The following CAMKMT variants were observed in gnomAD, a reference collection of about 807,000 sequenced individuals.
The protein encoded by CAMKMT is calmodulin-lysine N-methyltransferase.
Under a neutral mutation model 48.0 loss-of-function variants are expected in CAMKMT, and 53 were observed. That is an observed-to-expected ratio of 1.10 (90% CI 0.89 to 1.39). The LOEUF (loss-of-function observed/expected upper bound fraction) is 1.39. CAMKMT is among the 40% of genes most tolerant of loss of function. CAMKMT has a pLI of 0.00. For synonymous variants in CAMKMT, 165 were observed against 152.3 expected (o/e 1.08, Z -0.61); for missense variants, 428 against 402.7 (o/e 1.06, Z -0.54).
At chr2:44,371,530 C>A (rs1679179921) in intron 1 of CAMKMT, among the ~76,000 whole-genome samples, 1 of 152,000 alleles carries the variant, frequency 6.6e-6, no homozygotes, top group South Asian at 2.1e-4. Flanking sequence ...TTTTTGTTTG[C>A]TTATGAGTCT....
At chr2:44,631,534 A>G in intron 3 of CAMKMT, 1 of 614,554 alleles carries the variant, frequency 1.6e-6, no homozygotes, top group South Asian at 2.0e-5. Context: ...GATCTCCTGG[A>G]CTCAAGCAAT....
chr2:44,708,469 C>A (rs1449181422), intron 6 of CAMKMT, among the ~76,000 whole-genome samples: 1 of 151,880 alleles, frequency 6.6e-6, no homozygotes, highest in African/African-American at 2.4e-5. Context: ...TTCAGTAACA[C>A]TTGTATGCTC....
intron 3 of CAMKMT, among the ~76,000 whole-genome samples, chr2:44,628,666 G>T (rs1672633693): frequency 1.3e-5 from 2 of 151,548 alleles, no homozygotes; most frequent in South Asian, 4.2e-4. Flanking sequence ...AGCATTCAAA[G>T]CTGCAAATTG....
chr2:44,478,820 C>G (rs1329105181), intron 3 of CAMKMT, among the ~76,000 whole-genome samples: 1 of 151,908 alleles, frequency 6.6e-6, no homozygotes, highest in African/African-American at 2.4e-5. Flanking sequence ...CCTGCCTCAG[C>G]CTCCCGAGTA....
In CAMKMT at chr2:44,457,750, A is replaced by G. The variant is rs17580886; in HGVS notation, c.376+67445A>G. ...AGTGTACAAGAGTCTTTGAAACTAGAAATAAGTAAGAAGAGAAAGCAAAGA... is the reference window on the plus strand; with the variant it reads ...AGTGTACAAGAGTCTTTGAAACTAGGAATAAGTAAGAAGAGAAAGCAAAGA... On this transcript the variant is annotated intron_variant, in intron 3 of 10. Transcript: ENST00000378494. 0.027 allele frequency among the ~76,000 whole-genome samples: 4,077 copies of G among 152,210 alleles called. 336 individuals carry two copies. The East Asian group carries it at 0.32, about 12-fold the overall frequency.
intron 3 of CAMKMT, among the ~76,000 whole-genome samples, chr2:44,487,845 G>A (rs1669286739): frequency 1.3e-5 from 2 of 152,226 alleles, no homozygotes; most frequent in Admixed American, 6.5e-5. Context: ...CCAAAGACTT[G>A]ACACCACATC....
At chr2:44,767,752 C>T (rs1055530435) in intron 10 of CAMKMT, among the ~76,000 whole-genome samples, 45 of 152,168 alleles carry the variant, frequency 3.0e-4, no homozygotes, top group African/African-American at 9.9e-4. Context: ...TAAAAAAAAG[C>T]GGGTCTTTAC....
chr2:44,706,366 C>T (rs1427628797), intron 5 of CAMKMT, 25 bp downstream of exon 5: 3 of 1,611,536 alleles, frequency 1.9e-6, no homozygotes, highest in Non-Finnish European at 2.5e-6. Flanking sequence ...CATTCCAATC[C>T]CATTCAGAGG....
At chr2:44,450,532 G>A (rs777529364) in intron 3 of CAMKMT, among the ~76,000 whole-genome samples, 1 of 152,066 alleles carries the variant, frequency 6.6e-6, no homozygotes. Context: ...ATAGTTTATG[G>A]TGATTAAGAG....
At chr2:44,524,259 C>T (rs901778981) in intron 3 of CAMKMT, among the ~76,000 whole-genome samples, 4 of 152,066 alleles carry the variant, frequency 2.6e-5, no homozygotes, top group African/African-American at 9.7e-5. Context: ...TTTAAAACCA[C>T]CACAGGGGTG....
At chr2:44,544,544 T>C (rs540117992) in intron 3 of CAMKMT, among the ~76,000 whole-genome samples, 2 of 152,228 alleles carry the variant, frequency 1.3e-5, no homozygotes, top group African/African-American at 4.8e-5. Context: ...TTTGGGGAGA[T>C]GTCATTGTTT....
At chr2:44,683,484 G>C (rs1676136672) in intron 3 of CAMKMT, among the ~76,000 whole-genome samples, 1 of 152,162 alleles carries the variant, frequency 6.6e-6, no homozygotes, top group South Asian at 2.1e-4. Flanking sequence ...GGATCCTTTA[G>C]ACCTTACTTC....
At position 44,527,855 on chromosome 2, in the gene CAMKMT, C is replaced by T. The variant is rs118084718; in HGVS notation, c.376+137550C>T. ...TACAATTGATGAACCTACCTTGACA[C>T]ATTATCACCCAAAGTCTATAGTTTA... is the stretch of plus-strand genomic sequence containing the variant. On this transcript the variant is annotated intron_variant, in intron 3 of 10. Coordinates refer to ENST00000378494, the MANE Select transcript of CAMKMT (RefSeq NM_024766.5). Among the ~76,000 whole-genome samples, 1,126 of 141,482 alleles carry T rather than the reference C, an allele frequency of 8.0e-3. 58 individuals are homozygous for T. The East Asian group carries it at 0.13, about 16-fold the overall frequency. The allele number at this position is 141,482 out of a possible 152,430, so 92.8% of individuals were successfully genotyped here. A position where few individuals can be genotyped will look rare whatever the true frequency, so the allele number is the denominator to read the frequency against.
At chr2:44,386,597 T>A (rs1680801143) in intron 2 of CAMKMT, among the ~76,000 whole-genome samples, 1 of 152,136 alleles carries the variant, frequency 6.6e-6, no homozygotes, top group African/African-American at 2.4e-5. Flanking sequence ...TTCCTTGAGG[T>A]GTGACCTTAG....
chr2:44,410,247 ATTTTTTTT>A (rs1164693728), intron 3 of CAMKMT, among the ~76,000 whole-genome samples: 1 of 19,484 alleles, frequency 5.1e-5, no homozygotes, highest in East Asian at 8.7e-4. Context: ...ATATATATAT[ATTTTTTTT>A]TTTTTTTTTT....
At chr2:44,553,102 A>G (rs138414025) in intron 3 of CAMKMT, among the ~76,000 whole-genome samples, 13 of 152,316 alleles carry the variant, frequency 8.5e-5, no homozygotes, top group African/African-American at 2.6e-4. Context: ...ATGGCACATT[A>G]AAGTCTTTTG....
intron 3 of CAMKMT, among the ~76,000 whole-genome samples, chr2:44,438,274 T>G (rs935188383): frequency 3.9e-5 from 6 of 152,220 alleles, no homozygotes; most frequent in Admixed American, 2.6e-4. Flanking sequence ...TACTATTAAA[T>G]TCAATATGAG....
intron 3 of CAMKMT, among the ~76,000 whole-genome samples, chr2:44,425,974 A>G (rs1009194486): frequency 5.3e-5 from 8 of 152,030 alleles, no homozygotes; most frequent in African/African-American, 1.7e-4. Flanking sequence ...CAGGTGATCC[A>G]CCCGCCTTGG....
chr2:44,490,502 C>A (rs977740622), intron 3 of CAMKMT, among the ~76,000 whole-genome samples: 18 of 151,954 alleles, frequency 1.2e-4, no homozygotes, highest in African/African-American at 4.4e-4. Flanking sequence ...CTCGAACTCC[C>A]GACCTCAGGT....
Sources: allele counts gnomAD v4.1 joint callset (sites outside exome capture counted in the v4.1 genomes callset), GRCh38; gene constraint gnomAD v4.1.1; transcripts MANE v1.5; gene names NCBI Gene and HGNC (gene_info 2026-07-23, HGNC 2026-07-21).